SCYL1: variants seen among roughly 807,000 people sequenced by gnomAD.
The protein encoded by SCYL1 is N-terminal kinase-like protein.
A neutral mutation model predicts 94.8 loss-of-function variants in SCYL1; 85 were observed. That is an observed-to-expected ratio of 0.90 (90% CI 0.75 to 1.07). The LOEUF is 1.07. SCYL1 is among the 50% of genes least tolerant of loss of function. SCYL1 has a pLI of 0.00. For synonymous variants in SCYL1, 459 were observed against 435.5 expected (o/e 1.05, Z -0.67); for missense variants, 968 against 1,083.3 (o/e 0.89, Z 1.49).
chr11:65,536,381 A>T, intron 12 of SCYL1, 47 bp downstream of exon 12: 3 of 1,592,312 alleles, frequency 1.9e-6, no homozygotes, highest in Non-Finnish European at 2.6e-6. Context: ...CATGTCCTTG[A>T]CTGTGACCTG....
rs748837814 is a variant in SCYL1, at chr11:65,536,987, AGTTCCTGCCCCAGCCCCCACCCCT to A, written c.1828_1851del (p.Pro610_Ala617del). On this transcript the variant is annotated inframe_deletion and splice_region_variant, in exon 14 of 18. Coordinates refer to ENST00000270176, the MANE Select transcript of SCYL1 (RefSeq NM_020680.4). ...GCTCAGTGAGCCTCTGCTCCCCAGGAGTTCCTGCCCCAGCCCCCACCCCTGTTCCTGCCACCCCTACAACCTCAG... is the reference window on the plus strand; with the variant it reads ...GCTCAGTGAGCCTCTGCTCCCCAGGAGTTCCTGCCACCCCTACAACCTCAG... The A allele has an allele frequency of 1.3e-4, 210 of 1,609,494 alleles. 1 individual carries two copies. Among genetic ancestry groups the A allele is most frequent in the Non-Finnish European group, 1.5e-5 (18 of 1,176,910 alleles).
rs776880516 is a variant in SCYL1, at chr11:65,526,242, C to T, written c.494C>T (p.Ser165Leu). Residue 165 changes from serine (S) to leucine (L), a missense_variant, in exon 4 of 18, where the codon TCG becomes TTG. Physicochemically the swap from Ser to Leu is moderately radical, Grantham distance 145. This residue lies in a region of SCYL1 where 494 missense variants were observed against 619.7 expected (regional missense o/e 0.80). Coordinates refer to ENST00000270176, the MANE Select transcript of SCYL1 (RefSeq NM_020680.4). This position sits in a 1 kb window ranked among gnomAD's most constrained non-coding sequence, Gnocchi z 4.1. ...CTTGGGGGCCTGGACTACATGTATT[C>T]GGCCCAGGGCAACGGTGGGGGACCT... is the stretch of plus-strand genomic sequence containing the variant. ...WKLGGLDYMY[S>L]AQGNGGGPPR... 1.4e-5 allele frequency: 22 copies of T among 1,613,136 alleles called. No homozygotes were observed. Among genetic ancestry groups the T allele is most frequent in the African/African-American group, 6.7e-5 (5 of 74,918 alleles).
At chr11:65,536,371 C>T in intron 12 of SCYL1, 37 bp downstream of exon 12, 2 of 1,604,052 alleles carry the variant, frequency 1.2e-6, no homozygotes, top group Non-Finnish European at 1.7e-6. Flanking sequence ...CTTTCCCTGC[C>T]ATGTCCTTGA....
In SCYL1 at chr11:65,526,498, GC is replaced by G. The variant is rs1018045892; in HGVS notation, c.602+153del. On this transcript the variant is annotated intron_variant, in intron 4 of 17. Coordinates refer to ENST00000270176, the MANE Select transcript of SCYL1 (RefSeq NM_020680.4). This position sits in a 1 kb window ranked among gnomAD's most constrained non-coding sequence, Gnocchi z 4.1. ...TCCCAGGAGTGAGGGACACTCCTCT[GC>G]CCCCAGGGTCCTCAGGGCGGTAGGG... 3.5e-5 allele frequency: 26 copies of G among 737,714 alleles called. No individual in the cohort carries two copies. Among genetic ancestry groups the G allele is most frequent in the Admixed American group, 2.9e-5 (1 of 34,070 alleles). 45.7% of individuals were successfully genotyped at this position (737,714 alleles called of 1,614,324 possible).
chr11:65,537,732 G>A lies in SCYL1; in HGVS notation c.1960-77G>A, dbSNP rs1337072207. 4 of 1,299,538 alleles carry A rather than the reference G, an allele frequency of 3.1e-6. No homozygotes were observed. The African/African-American group carries it at 4.5e-5, about 14-fold the overall frequency. 80.5% of individuals were successfully genotyped at this position (1,299,538 alleles called of 1,614,324 possible). A position where few individuals can be genotyped will look rare whatever the true frequency, so the allele number is the denominator to read the frequency against. On this transcript the variant is annotated intron_variant, in intron 14 of 17. Coordinates refer to ENST00000270176, the MANE Select transcript of SCYL1 (RefSeq NM_020680.4). ...GGCAAAAGACAGTGGTGGGGCCCGT[G>A]GCTGGGATGATGCTGGGGCGGGCTC...
chr11:65,527,785 AT>A (rs1192413942), intron 6 of SCYL1, among the ~76,000 whole-genome samples: 45 of 152,290 alleles, frequency 3.0e-4, no homozygotes, highest in African/African-American at 1.1e-3. Context: ...ATATTCCAAA[AT>A]CCAAAAAACA....
Position 65,536,141 on chromosome 11 carries a change from G to C in SCYL1, c.1575G>C (p.Gln525His). The C allele has an allele frequency of 6.2e-7, 1 of 1,612,918 alleles. No homozygotes were observed. The highest frequency in any genetic ancestry group is 8.5e-7 in the Non-Finnish European group (1 of 1,179,220). The part of the protein sequence containing the change: ...TVDPEKSVRD[Q>H]AFKAIRSFLS... ...ATCCTGAGAAATCCGTGCGAGACCA[G>C]GTGAGGCACAGCTGGGCCTGGGCCC... is the stretch of plus-strand genomic sequence containing the variant. The change falls in exon 11 of 18, where the codon CAG (glutamine) becomes CAC (histidine). Residue 525 changes from glutamine to histidine, a missense_variant and splice_region_variant. This residue lies in a region of SCYL1 where 474 missense variants were observed against 463.6 expected (regional missense o/e 1.02). Coordinates refer to ENST00000270176, the MANE Select transcript of SCYL1 (RefSeq NM_020680.4).
rs1364556467 is a variant in SCYL1 at position 65,530,658 on chromosome 11, C to A, written c.879C>A (p.Phe293Leu). ...AAGAGCCAGCCGAGAAGCAAAAATT[C>A]TTCCAGGAGCTGAGCAAGAGCCTGG... ...QIKEPAEKQK[F>L]FQELSKSLDA... The change falls in exon 7 of 18, where the codon TTC becomes TTA. Residue 293 changes from phenylalanine (F) to leucine (L), a missense_variant. Physicochemically the swap from Phe to Leu is conservative, Grantham distance 22. Coordinates refer to ENST00000270176, the MANE Select transcript of SCYL1 (RefSeq NM_020680.4). 1.2e-6 allele frequency: 2 copies of A among 1,613,788 alleles called. No individual in the cohort carries two copies. Among genetic ancestry groups the A allele is most frequent in the Non-Finnish European group, 1.7e-6 (2 of 1,179,826 alleles).
At chr11:65,528,254 G>A (rs1446393003) in intron 6 of SCYL1, among the ~76,000 whole-genome samples, 4 of 150,718 alleles carry the variant, frequency 2.7e-5, no homozygotes, top group East Asian at 2.0e-4. Flanking sequence ...ACCAGCTGAC[G>A]ACATGGAGAA....
rs569181924 is a variant in SCYL1 at position 65,527,021 on chromosome 11, T to A, written c.753T>A (p.Arg251=). Residue 251 remains arginine, a synonymous_variant, in exon 6 of 18, where the codon CGT becomes CGA. Transcript: ENST00000270176. ...TGGTGGGAGCAAACCCCAAGGTGCG[T>A]CCCAACCCAGCCCGCTTCCTGCAGA... ...CELVGANPKV[R]PNPARFLQNC... The A allele has an allele frequency of 2.5e-6, 4 of 1,613,392 alleles. No individual in the cohort carries two copies. Among genetic ancestry groups the A allele is most frequent in the Non-Finnish European group, 3.4e-6 (4 of 1,179,920 alleles).
intron 9 of SCYL1, 129 bp downstream of exon 9, chr11:65,532,934 G>A: frequency 1.5e-6 from 1 of 687,852 alleles, no homozygotes; most frequent in Admixed American, 2.3e-5. Flanking sequence ...TGTGGGTTCA[G>A]GCCGTGGGTG....
chr11:65,535,595 G>GATT, intron 10 of SCYL1: 1 of 663,040 alleles, frequency 1.5e-6, no homozygotes, highest in Non-Finnish European at 2.5e-6. Flanking sequence ...GGCGTGCTTG[G>GATT]CCCCATGGCC....
chr11:65,530,281 C>T (rs1209139769), intron 6 of SCYL1, among the ~76,000 whole-genome samples: 2 of 152,164 alleles, frequency 1.3e-5, no homozygotes, highest in African/African-American at 2.4e-5. Context: ...GGCCTGATGC[C>T]CTTAGTGATG....
Position 65,535,970 on chromosome 11 carries a change from T to C in SCYL1, c.1404T>C (p.Leu468=). 6.2e-7 allele frequency: 1 copy of C among 1,605,944 alleles called. No homozygotes were observed. The highest frequency in any genetic ancestry group is 8.5e-7 in the Non-Finnish European group (1 of 1,175,676). ...YLSASTRHRV[L]TSAFSRATRD... Reference sequence around the variant, plus strand: ...CATCGTAGACCAGACACAGGGTCCTTACCTCTGCCTTCAGCCGAGCCACTA... The same window carrying C: ...CATCGTAGACCAGACACAGGGTCCTCACCTCTGCCTTCAGCCGAGCCACTA... The change falls in exon 11 of 18, where the codon CTT becomes CTC. Residue 468 remains leucine, a synonymous_variant. Transcript: ENST00000270176.
Position 65,532,690 on chromosome 11 carries a change from A to T in SCYL1, c.1117-2A>T. On this transcript the variant is annotated splice_acceptor_variant, in intron 8 of 17. Transcript: ENST00000270176. LOFTEE classifies it high-confidence loss of function. ...GTTGACGCATCCCAACCTGGGCCAC[A>T]GATGGAGCAGTTCATCCAGTACCTT... 6.2e-7 allele frequency: 1 copy of T among 1,612,746 alleles called. No homozygotes were observed. The highest frequency in any genetic ancestry group is 8.5e-7 in the Non-Finnish European group (1 of 1,178,826).
At chr11:65,532,666 T>C (rs1307176179) in intron 8 of SCYL1, 26 bp from the exon 9 acceptor site, 4 of 1,572,554 alleles carry the variant, frequency 2.5e-6, no homozygotes, top group Non-Finnish European at 2.6e-6. Flanking sequence ...GCTGACCATG[T>C]TGACGCATCC....
Position 65,535,330 on chromosome 11 carries a change from G to T in SCYL1, c.1334G>T (p.Arg445Leu), listed in dbSNP as rs377689356. The change falls in exon 10 of 18, where the codon CGC becomes CTC. Residue 445 changes from arginine (R) to leucine (L), a missense_variant. By Grantham distance (102) the Arg-to-Leu change is moderately radical (BLOSUM62 -2). Coordinates refer to ENST00000270176, the MANE Select transcript of SCYL1 (RefSeq NM_020680.4). ...GCCAAGGATGAACAGGGCCCCATCCGCTGCAACACCACAGTCTGCCTGGGC... is the reference window on the plus strand; with the variant it reads ...GCCAAGGATGAACAGGGCCCCATCCTCTGCAACACCACAGTCTGCCTGGGC... ...LQAKDEQGPI[R>L]CNTTVCLGKI... 14 of 1,614,116 alleles carry T rather than the reference G, an allele frequency of 8.7e-6. No homozygotes were observed. The highest frequency in any genetic ancestry group is 5.3e-5 in the African/African-American group (4 of 74,956).
chr11:65,538,374 C>G, intron 17 of SCYL1, 50 bp downstream of exon 17: 1 of 1,539,666 alleles, frequency 6.5e-7, no homozygotes, highest in Non-Finnish European at 8.8e-7. Flanking sequence ...CCGACTAGCC[C>G]GCCCCTACAG....
Position 65,530,685 on chromosome 11 carries a change from C to A in SCYL1, c.906C>A (p.Asp302Glu). ...TCCAGGAGCTGAGCAAGAGCCTGGA[C>A]GCATTCCCTGAGGATTTCTGTCGGC... Reference protein sequence around the residue: ...KFFQELSKSLDAFPEDFCRHK... With the variant: ...KFFQELSKSLEAFPEDFCRHK... The change falls in exon 7 of 18, where the codon GAC (aspartate) becomes GAA (glutamate). Residue 302 changes from aspartate (D) to glutamate (E), a missense_variant. Transcript: ENST00000270176. 3 of 1,614,086 alleles carry A rather than the reference C, an allele frequency of 1.9e-6. No homozygotes were observed. The highest frequency in any genetic ancestry group is 2.5e-6 in the Non-Finnish European group (3 of 1,180,014).
Sources: allele counts gnomAD v4.1 joint callset (sites outside exome capture counted in the v4.1 genomes callset), GRCh38; gene constraint gnomAD v4.1.1; regional missense constraint gnomAD v4.1.1; non-coding constraint Gnocchi (gnomAD v3.1); transcripts MANE v1.5; gene names NCBI Gene and HGNC (gene_info 2026-07-23, HGNC 2026-07-21).